Variants in CCDC124 observed in about 807,000 individuals in gnomAD.
The protein encoded by CCDC124 is coiled-coil domain containing 124.
Under a neutral mutation model 19.8 loss-of-function variants are expected in CCDC124, and 9 were observed. The ratio of observed to expected loss-of-function variants is 0.45; its 90% CI spans 0.27 to 0.79. CCDC124 has a LOEUF of 0.79. Ranked by LOEUF, CCDC124 falls within the 30% of genes least tolerant of loss-of-function variation. CCDC124 has a pLI of 0.14. For missense variants in CCDC124, 285 were observed against 319.0 expected (o/e 0.89, Z 0.81); for synonymous variants, 126 against 131.3 (o/e 0.96, Z 0.27).
chr19:17,934,908 G>T (rs66795815), intron 1 of CCDC124, among the ~76,000 whole-genome samples: 11 of 82,388 alleles, frequency 1.3e-4, no homozygotes, highest in Non-Finnish European at 1.7e-4. Flanking sequence ...TTGTTTCCTT[G>T]TTTCCTTTTT....
chr19:17,937,152 G>A (rs931092601), intron 2 of CCDC124, among the ~76,000 whole-genome samples: 2 of 152,056 alleles, frequency 1.3e-5, no homozygotes, highest in African/African-American at 4.8e-5. Flanking sequence ...ATGGTGGCAG[G>A]CTCCTGTAAT....
rs970721886 is a variant in CCDC124, at chr19:17,939,932, T to A, written c.160-2724T>A. On this transcript the variant is annotated intron_variant, in intron 2 of 4. Transcript: ENST00000445755. ...GCCACCGCACCTGGCCTTTTTTTTT[T>A]TTTTTTTAGACAGTCTCTGTTGCCC... Among the ~76,000 whole-genome samples the A allele has an allele frequency of 9.9e-5, 14 of 141,922 alleles. No individual in the cohort carries two copies. In the South Asian group the frequency reaches 1.6e-3, roughly 16 times the overall value. The allele number at this position is 141,922 out of a possible 152,430, so 93.1% of individuals were successfully genotyped here.
At position 17,943,912 on chromosome 19, in the gene CCDC124, A is replaced by G; in HGVS notation, c.*197A>G. 1.7e-6 allele frequency: 1 copy of G among 592,028 alleles called. No homozygotes were observed. The highest frequency in any genetic ancestry group is 3.0e-6 in the Non-Finnish European group (1 of 333,950). 36.7% of individuals were successfully genotyped at this position (592,028 alleles called of 1,614,324 possible). Reference sequence around the variant, plus strand: ...CCCGAGTGACACCCCATCCCCTCCCATCCCCCGGCGCGTGTGTGTAGAGCC... The same window carrying G: ...CCCGAGTGACACCCCATCCCCTCCCGTCCCCCGGCGCGTGTGTGTAGAGCC... On this transcript the variant is annotated 3_prime_UTR_variant, in exon 5 of 5. Coordinates refer to ENST00000445755, the MANE Select transcript of CCDC124 (RefSeq NM_001136203.2).
intron 2 of CCDC124, among the ~76,000 whole-genome samples, chr19:17,941,037 G>A (rs1449328008): frequency 1.3e-5 from 2 of 151,070 alleles, no homozygotes; most frequent in African/African-American, 2.4e-5. Flanking sequence ...ACAGAGCAAG[G>A]TTCCGTCTCG....
In CCDC124 at chr19:17,943,379, A is replaced by C; in HGVS notation, c.464+4A>C. The stretch of plus-strand genomic sequence containing the variant: ...AGGACGCCATTGCAGTGCTCAGGTA[A>C]CGGGGCGGGGCCTGGGGCTTTCCCA... On this transcript the variant is annotated splice_donor_region_variant and intron_variant, in intron 4 of 4. Coordinates refer to ENST00000445755, the MANE Select transcript of CCDC124 (RefSeq NM_001136203.2). The C allele has an allele frequency of 6.4e-7, 1 of 1,566,324 alleles. No homozygotes were observed. The highest frequency in any genetic ancestry group is 8.6e-7 in the Non-Finnish European group (1 of 1,160,310).
chr19:17,943,676 C>T lies in CCDC124; in HGVS notation c.633C>T (p.Pro211=), dbSNP rs966281855. 5 of 1,612,790 alleles carry T rather than the reference C, an allele frequency of 3.1e-6. No homozygotes were observed. The highest frequency in any genetic ancestry group is 4.2e-6 in the Non-Finnish European group (5 of 1,179,972). Residue 211 remains proline (P), a synonymous_variant, in exon 5 of 5, where the codon CCC becomes CCT. Transcript: ENST00000445755. ...KKEWLRSPDN[P]MNQRAVPFNA... The stretch of plus-strand genomic sequence containing the variant: ...AGTGGCTCCGCTCTCCTGACAACCC[C>T]ATGAACCAGCGGGCCGTGCCCTTCA...
chr19:17,940,968 AC>A (rs1381363849), intron 2 of CCDC124, among the ~76,000 whole-genome samples: 1 of 150,834 alleles, frequency 6.6e-6, no homozygotes, highest in Non-Finnish European at 1.5e-5. Flanking sequence ...AATGGCATGA[AC>A]CCGGGAGGAG....
intron 2 of CCDC124, chr19:17,936,857 C>T (rs1599962752): frequency 3.3e-6 from 1 of 298,708 alleles, no homozygotes; most frequent in South Asian, 5.3e-5. Flanking sequence ...CGCACACTTA[C>T]AGTCCCAGCT....
chr19:17,933,982 A>G (rs989110314), intron 1 of CCDC124, among the ~76,000 whole-genome samples: 2 of 152,180 alleles, frequency 1.3e-5, no homozygotes, highest in Non-Finnish European at 2.9e-5. Flanking sequence ...AAGTGTCTGT[A>G]TTTCCAGCTT....
chr19:17,936,805 A>C, intron 2 of CCDC124: 1 of 470,708 alleles, frequency 2.1e-6, no homozygotes, highest in Admixed American at 3.8e-5. Flanking sequence ...ACATGATGAA[A>C]CCCTGTCTCT....
At chr19:17,943,438 T>TG (rs1701250880) in intron 4 of CCDC124, 63 bp downstream of exon 4, 9 of 359,888 alleles carry the variant, frequency 2.5e-5, no homozygotes, top group South Asian at 8.8e-5. Flanking sequence ...CGGGGCTACC[T>TG]GGGGGCGGGG....
At chr19:17,936,856 A>G (rs1048451533) in intron 2 of CCDC124, 3 of 300,120 alleles carry the variant, frequency 1.0e-5, no homozygotes, top group Non-Finnish European at 1.9e-5. Context: ...GCGCACACTT[A>G]CAGTCCCAGC....
intron 1 of CCDC124, among the ~76,000 whole-genome samples, chr19:17,935,737 A>C (rs2031046750): frequency 6.6e-6 from 1 of 152,018 alleles, no homozygotes. Context: ...GTCCGCCACC[A>C]CACCCAGCAA....
In CCDC124 at chr19:17,942,276, T is replaced by G. The variant is rs1204712283; in HGVS notation, c.160-380T>G. ...GCCCAGCCGTCTCCCTCCCGGCCTCTTCCCCCTCCCGCTTCACTCCCACTC... is the reference window on the plus strand; with the variant it reads ...GCCCAGCCGTCTCCCTCCCGGCCTCGTCCCCCTCCCGCTTCACTCCCACTC... On this transcript the variant is annotated intron_variant, in intron 2 of 4. Transcript: ENST00000445755. This position sits in a 1 kb window ranked among gnomAD's most constrained non-coding sequence, Gnocchi z 4.2. Among the ~76,000 whole-genome samples the G allele has an allele frequency of 6.6e-6, 1 of 151,934 alleles. No homozygotes were observed. Among genetic ancestry groups the G allele is most frequent in the African/African-American group, 2.4e-5 (1 of 41,374 alleles).
rs2031205494 is a variant in CCDC124, at chr19:17,942,505, A to G, written c.160-151A>G. ...TGGCCTCACATCCCCCGCCCAGGGC[A>G]GCACCGGGACCTATCTTGTTCCTGG... is the stretch of plus-strand genomic sequence containing the variant. On this transcript the variant is annotated intron_variant, in intron 2 of 4. Coordinates refer to ENST00000445755, the MANE Select transcript of CCDC124 (RefSeq NM_001136203.2). This position sits in a 1 kb window ranked among gnomAD's most constrained non-coding sequence, Gnocchi z 4.2. 2 of 849,148 alleles carry G rather than the reference A, an allele frequency of 2.4e-6. No homozygotes were observed. The highest frequency in any genetic ancestry group is 3.6e-5 in the South Asian group (2 of 55,730). The allele number at this position is 849,148 out of a possible 1,614,324, so 52.6% of individuals were successfully genotyped here. A position where few individuals can be genotyped will look rare whatever the true frequency, so the allele number is the denominator to read the frequency against.
At chr19:17,943,476 C>T in intron 4 of CCDC124, 32 bp from the exon 5 acceptor site, 4 of 1,601,450 alleles carry the variant, frequency 2.5e-6, no homozygotes, top group East Asian at 4.5e-5. Context: ...AGGCTGCGCC[C>T]AAGGCCCCCT....
At position 17,942,620 on chromosome 19, in the gene CCDC124, G is replaced by A; in HGVS notation, c.160-36G>A. 6.5e-7 allele frequency: 1 copy of A among 1,547,868 alleles called. No homozygotes were observed. Among genetic ancestry groups the A allele is most frequent in the Non-Finnish European group, 8.7e-7 (1 of 1,146,098 alleles). On this transcript the variant is annotated intron_variant, in intron 2 of 4. Coordinates refer to ENST00000445755, the MANE Select transcript of CCDC124 (RefSeq NM_001136203.2). The surrounding 1 kb of genome is among the most constrained non-coding windows in gnomAD (Gnocchi z 4.2). The stretch of plus-strand genomic sequence containing the variant: ...GGCTAGTGGGTGGCGCGGGGGTGTG[G>A]GGTCTTCTGCCTGACCATGCACGCC...
At chr19:17,940,472 A>G (rs907126233) in intron 2 of CCDC124, among the ~76,000 whole-genome samples, 4 of 152,040 alleles carry the variant, frequency 2.6e-5, no homozygotes, top group African/African-American at 7.2e-5. Context: ...TGCCCATAAA[A>G]CTTTACCAAA....
chr19:17,941,777 A>G (rs908538714), intron 2 of CCDC124, among the ~76,000 whole-genome samples: 53 of 151,928 alleles, frequency 3.5e-4, no homozygotes, highest in African/African-American at 1.1e-3. Flanking sequence ...TGTCAAATCT[A>G]TCTGGAGATG....
Sources: allele counts gnomAD v4.1 joint callset (sites outside exome capture counted in the v4.1 genomes callset), GRCh38; gene constraint gnomAD v4.1.1; non-coding constraint Gnocchi (gnomAD v3.1); transcripts MANE v1.5; gene names NCBI Gene and HGNC (gene_info 2026-07-23, HGNC 2026-07-21).